Variants in DNAAF4 observed in about 807,000 individuals in gnomAD.
The protein encoded by DNAAF4 is dynein assembly factor 4, axonemal.
In DNAAF4, 43 loss-of-function variants were observed where a neutral mutation model predicts 51.8. The ratio of observed to expected loss-of-function variants is 0.83; its 90% confidence interval spans 0.65 to 1.07. The LOEUF is 1.07. Among genes scored for constraint, DNAAF4 ranks in the 50% least tolerant of loss-of-function variants. The probability of loss-of-function intolerance (pLI) is 0.00; values close to 1 mark genes in which losing one functional copy is unlikely to be tolerated. For synonymous variants in DNAAF4, 194 were observed against 165.6 expected (o/e 1.17, Z -1.32); for missense variants, 581 against 493.0 (o/e 1.18, Z -1.69).
At chr15:55,453,095 G>C (rs1465209993) in intron 5 of DNAAF4, among the ~76,000 whole-genome samples, 1 of 152,160 alleles carries the variant, frequency 6.6e-6, no homozygotes, top group African/African-American at 2.4e-5. Context: ...AAAGTGCTGG[G>C]ATTACAGGCA....
At chr15:55,479,595 CAA>C (rs1338235106) in intron 4 of DNAAF4, among the ~76,000 whole-genome samples, 1 of 151,998 alleles carries the variant, frequency 6.6e-6, no homozygotes, top group East Asian at 1.9e-4. Flanking sequence ...TGGGGTCAGG[CAA>C]AAAGAGTCAC....
intron 4 of DNAAF4, among the ~76,000 whole-genome samples, chr15:55,487,320 T>C (rs1348196689): frequency 1.3e-5 from 2 of 152,192 alleles, no homozygotes; most frequent in Admixed American, 6.6e-5. Flanking sequence ...ATCAGCATTC[T>C]GGAAAAATGC....
At chr15:55,455,614 T>C (rs2058008649) in intron 5 of DNAAF4, among the ~76,000 whole-genome samples, 1 of 151,908 alleles carries the variant, frequency 6.6e-6, no homozygotes. Flanking sequence ...GCATTTTTAG[T>C]AGAGACAGGG....
At chr15:55,425,560 T>C (rs776154662), downstream of DNAAF4, among the ~76,000 whole-genome samples, 1 of 130,852 alleles carries the variant, frequency 7.6e-6, no homozygotes, top group Admixed American at 8.9e-5. Context: ...TTTTCCTTAT[T>C]ATAAGTTACT....
chr15:55,457,058 C>T (rs1028478265), intron 5 of DNAAF4, among the ~76,000 whole-genome samples: 30 of 152,326 alleles, frequency 2.0e-4, no homozygotes, highest in Admixed American at 4.6e-4. Flanking sequence ...ATGGGAAGTA[C>T]AGATGCGAGT....
chr15:55,435,131 A>C, intron 7 of DNAAF4, 73 bp from the exon 8 acceptor site: 1 of 1,483,208 alleles, frequency 6.7e-7, no homozygotes, highest in Non-Finnish European at 9.0e-7. Flanking sequence ...ATCTAATTGT[A>C]TTTGACAAAG....
chr15:55,480,882 G>A (rs913331073), intron 4 of DNAAF4, among the ~76,000 whole-genome samples: 3 of 152,164 alleles, frequency 2.0e-5, no homozygotes, highest in African/African-American at 7.2e-5. Context: ...ACCTTGGATT[G>A]TAATAATCCC....
chr15:55,489,786 C>A (rs1335949674), intron 4 of DNAAF4, among the ~76,000 whole-genome samples: 1 of 149,624 alleles, frequency 6.7e-6, no homozygotes, highest in Non-Finnish European at 1.5e-5. Context: ...ATCCAAAAAA[C>A]AGTCATGGGT....
At chr15:55,487,592 T>C (rs1181346968) in intron 4 of DNAAF4, among the ~76,000 whole-genome samples, 2 of 152,166 alleles carry the variant, frequency 1.3e-5, no homozygotes, top group East Asian at 3.9e-4. Flanking sequence ...CTTTAAGAGC[T>C]GTAACAGTCA....
chr15:55,439,620 CTT>C, intron 6 of DNAAF4, 39 bp from the exon 7 acceptor site: 1 of 1,551,276 alleles, frequency 6.4e-7, no homozygotes. Flanking sequence ...ATAAAAAGGT[CTT>C]TTTTTAATTA....
chr15:55,479,742 G>T (rs1240927378), intron 4 of DNAAF4, among the ~76,000 whole-genome samples: 1 of 152,072 alleles, frequency 6.6e-6, no homozygotes, highest in African/African-American at 2.4e-5. Flanking sequence ...TCTATAAATG[G>T]CCGCTCTGGG....
intron 4 of DNAAF4, among the ~76,000 whole-genome samples, chr15:55,470,080 C>G (rs1191272178): frequency 3.3e-5 from 5 of 150,770 alleles, no homozygotes; most frequent in African/African-American, 1.2e-4. Context: ...GAGACGGAGT[C>G]TCACTCCGTT....
intron 5 of DNAAF4, among the ~76,000 whole-genome samples, chr15:55,461,387 C>T (rs554675146): frequency 1.5e-4 from 23 of 152,166 alleles, no homozygotes; most frequent in South Asian, 4.2e-4. Context: ...TGAGCCACCA[C>T]GCCCAGCCCA....
intron 5 of DNAAF4, among the ~76,000 whole-genome samples, chr15:55,464,452 T>C (rs1447235669): frequency 6.6e-6 from 1 of 152,086 alleles, no homozygotes; most frequent in Non-Finnish European, 1.5e-5. Flanking sequence ...GATAAATAGA[T>C]GGGACTTAAT....
intron 5 of DNAAF4, among the ~76,000 whole-genome samples, chr15:55,463,701 A>C (rs979126242): frequency 6.6e-5 from 10 of 152,238 alleles, no homozygotes; most frequent in African/African-American, 2.4e-4. Flanking sequence ...CTGCAAAAAA[A>C]CCCAAAAAAC....
In DNAAF4 at chr15:55,455,412, A is replaced by ATATATATATT. The variant is rs1227228964; in HGVS notation, c.638-5046_638-5045insAATATATATA. ...AATATATATATATATATATATATAT[A>ATATATATATT]TTCAATCTAAATGACTTTTTTTTGT... is the stretch of plus-strand genomic sequence containing the variant. On this transcript the variant is annotated intron_variant, in intron 5 of 9. Transcript: ENST00000321149. Among the ~76,000 whole-genome samples the ATATATATATT allele has an allele frequency of 1.0e-4, 15 of 146,206 alleles. 1 individual carries two copies. Among genetic ancestry groups the ATATATATATT allele is most frequent in the Admixed American group, 2.8e-4 (4 of 14,474 alleles).
chr15:55,463,743 C>T (rs112701743), intron 5 of DNAAF4, among the ~76,000 whole-genome samples: 1 of 151,978 alleles, frequency 6.6e-6, no homozygotes, highest in Non-Finnish European at 1.5e-5. Context: ...TAGGAATATA[C>T]CTAACTAAAG....
At chr15:55,506,510 T>C (rs904051238) in intron 1 of DNAAF4, among the ~76,000 whole-genome samples, 1 of 152,192 alleles carries the variant, frequency 6.6e-6, no homozygotes, top group Non-Finnish European at 1.5e-5. Flanking sequence ...GTAACACTCC[T>C]GAGTTCTAAT....
intron 6 of DNAAF4, among the ~76,000 whole-genome samples, chr15:55,440,300 C>T (rs2057687798): frequency 6.6e-6 from 1 of 152,118 alleles, no homozygotes; most frequent in South Asian, 2.1e-4. Flanking sequence ...ATCCACCCAC[C>T]TCGGAATCCC....
Sources: gnomAD v4.1 joint callset for allele counts (sites outside exome capture counted in the v4.1 genomes callset) on GRCh38, gnomAD v4.1.1 for gene constraint, MANE v1.5 for transcripts, NCBI Gene and HGNC (gene_info 2026-07-23, HGNC 2026-07-21) for gene names.